Variants in CLEC2A observed in about 807,000 individuals in gnomAD.
CLEC2A encodes the protein C-type lectin domain family 2 member A, also known as keratinocyte-associated C-type lectin.
Under a neutral mutation model 18.6 loss-of-function variants are expected in CLEC2A, and 19 were observed. That is an observed-to-expected ratio of 1.02 (90% CI 0.71 to 1.50). CLEC2A has a LOEUF of 1.50. Ranked by LOEUF, CLEC2A falls within the 40% of genes most tolerant of loss-of-function variation. The pLI is 0.00. For missense variants in CLEC2A, 190 were observed against 207.9 expected (o/e 0.91, Z 0.53); for synonymous variants, 74 against 64.0 (o/e 1.16, Z -0.75).
chr12:9,920,477 TCAC>T (rs1004428987), intron 3 of CLEC2A, among the ~76,000 whole-genome samples: 1 of 152,204 alleles, frequency 6.6e-6, no homozygotes, highest in African/African-American at 2.4e-5. Flanking sequence ...GCACATTCAC[TCAC>T]CACTTCCCTG....
chr12:9,899,388 G>A (rs1862794941), intron 4 of CLEC2A, among the ~76,000 whole-genome samples: 1 of 152,160 alleles, frequency 6.6e-6, no homozygotes, highest in Non-Finnish European at 1.5e-5. Flanking sequence ...AGAGAACAGA[G>A]GAGAAGAAAG....
At chr12:9,916,953 G>A in intron 3 of CLEC2A, 150 bp from the exon 4 acceptor site, 1 of 551,008 alleles carries the variant, frequency 1.8e-6, no homozygotes, top group Non-Finnish European at 3.2e-6. Flanking sequence ...CACAGATGTT[G>A]ATGTTTGGGT....
At chr12:9,914,979 C>G (rs1471360789) in intron 4 of CLEC2A, among the ~76,000 whole-genome samples, 1 of 151,668 alleles carries the variant, frequency 6.6e-6, no homozygotes, top group Non-Finnish European at 1.5e-5. Flanking sequence ...GTCTAATATC[C>G]AGGATCTACA....
chr12:9,895,621 A>G (rs1862747628), downstream of CLEC2A: 2 of 1,403,520 alleles, frequency 1.4e-6, no homozygotes, highest in East Asian at 2.7e-5. Context: ...GTTTGGCTGG[A>G]GAAAACTTTA....
intron 4 of CLEC2A, among the ~76,000 whole-genome samples, chr12:9,905,610 C>A (rs983679045): frequency 2.6e-5 from 4 of 152,148 alleles, no homozygotes; most frequent in African/African-American, 7.2e-5. Context: ...CCATGGGAAC[C>A]AAGTCTCTAG....
chr12:9,910,955 T>C (rs759414004), downstream of CLEC2A, among the ~76,000 whole-genome samples: 7 of 152,312 alleles, frequency 4.6e-5, no homozygotes, highest in Admixed American at 2.6e-4. Flanking sequence ...GAACCAGCAC[T>C]GAGACAAAGG....
the CLEC2A span, among the ~76,000 whole-genome samples, chr12:9,880,921 G>A: frequency 1.3e-5 from 2 of 152,282 alleles, no homozygotes; most frequent in South Asian, 4.1e-4. Context: ...TGGACTCTCT[G>A]TGACTCAGCC....
chr12:9,916,880 AT>A, intron 3 of CLEC2A, 77 bp from the exon 4 acceptor site: 1 of 834,468 alleles, frequency 1.2e-6, no homozygotes, highest in East Asian at 2.7e-5. Context: ...CACCCCAATT[AT>A]TCTATCTTTT....
At chr12:9,890,652 G>A in the CLEC2A span, among the ~76,000 whole-genome samples, 4 of 152,200 alleles carry the variant, frequency 2.6e-5, no homozygotes, top group Admixed American at 2.6e-4. Context: ...ATCTGATTAA[G>A]CCAGACCTAC....
the CLEC2A span, among the ~76,000 whole-genome samples, chr12:9,878,737 C>T: frequency 6.6e-6 from 1 of 152,064 alleles, no homozygotes; most frequent in Non-Finnish European, 1.5e-5. Flanking sequence ...GGGTCTGGCG[C>T]CCAGGATGGA....
At chr12:9,923,769 TC>T (rs1307437416) in intron 2 of CLEC2A, among the ~76,000 whole-genome samples, 3 of 152,262 alleles carry the variant, frequency 2.0e-5, no homozygotes, top group African/African-American at 7.2e-5. Context: ...TGAGTTCATG[TC>T]CTTTGTAGGG....
At chr12:9,889,203 T>C in the CLEC2A span, among the ~76,000 whole-genome samples, 1 of 152,192 alleles carries the variant, frequency 6.6e-6, no homozygotes, top group South Asian at 2.1e-4. Flanking sequence ...AAACATAGTT[T>C]TTTAAACTTT....
At chr12:9,884,891 A>G in the CLEC2A span, 1 of 621,612 alleles carries the variant, frequency 1.6e-6, no homozygotes, top group East Asian at 3.4e-5. Context: ...AAAAATATTT[A>G]TAAAGTGAAT....
chr12:9,905,100 C>T (rs543867613), intron 4 of CLEC2A, among the ~76,000 whole-genome samples: 97 of 152,284 alleles, frequency 6.4e-4, no homozygotes, highest in Non-Finnish European at 1.2e-3. Flanking sequence ...TGACTTTCTG[C>T]TGGAAAGAAA....
chr12:9,879,599 G>A, the CLEC2A span, among the ~76,000 whole-genome samples: 2 of 152,094 alleles, frequency 1.3e-5, no homozygotes, highest in Non-Finnish European at 2.9e-5. Context: ...GTTATAAGAT[G>A]GCCCAGAGGG....
chr12:9,909,374 G>A (rs899608472), downstream of CLEC2A, among the ~76,000 whole-genome samples: 2 of 152,176 alleles, frequency 1.3e-5, no homozygotes, highest in African/African-American at 2.4e-5. Flanking sequence ...ACTGGGGGGT[G>A]TTCATGTTCT....
At chr12:9,932,189 T>A in intron 1 of CLEC2A, 86 bp downstream of exon 1, 1 of 970,840 alleles carries the variant, frequency 1.0e-6, no homozygotes, top group Non-Finnish European at 1.6e-6. Context: ...ACTTTCACAG[T>A]AAGTAAAGAG....
chr12:9,923,295 G>C (rs1863204382), intron 2 of CLEC2A, among the ~76,000 whole-genome samples: 1 of 152,194 alleles, frequency 6.6e-6, no homozygotes, highest in Non-Finnish European at 1.5e-5. Flanking sequence ...TCTCAAAGAA[G>C]ACATTTACGC....
intron 3 of CLEC2A, among the ~76,000 whole-genome samples, 156 bp from the exon 4 acceptor site, chr12:9,916,959 T>A (rs1229946559): frequency 6.6e-6 from 1 of 152,212 alleles, no homozygotes; most frequent in East Asian, 1.9e-4. Flanking sequence ...TGTTGATGTT[T>A]GGGTTAGTTT....
Sources: allele counts gnomAD v4.1 joint callset (sites outside exome capture counted in the v4.1 genomes callset), GRCh38; gene constraint gnomAD v4.1.1; transcripts MANE v1.5; gene names NCBI Gene and HGNC (gene_info 2026-07-23, HGNC 2026-07-21).